RAC1: variants seen among roughly 807,000 people sequenced by gnomAD.
The protein encoded by RAC1 is ras-related C3 botulinum toxin substrate 1.
RAC1 carries 2 observed loss-of-function variants against 25.2 expected under a neutral mutation model. The ratio of observed to expected loss-of-function variants is 0.08; its 90% CI spans 0.03 to 0.25. RAC1 has a LOEUF of 0.25. Ranked by LOEUF, RAC1 falls within the 10% of genes least tolerant of loss-of-function variation. The probability of loss-of-function intolerance (pLI) is 1.00; values close to 1 mark genes in which losing one functional copy is unlikely to be tolerated. For missense variants in RAC1, 50 were observed against 235.7 expected (o/e 0.21, Z 5.16); for synonymous variants, 88 against 94.0 (o/e 0.94, Z 0.37).
At chr7:6,374,854 C>A (rs1423023591) in intron 1 of RAC1, 84 bp downstream of exon 1, 16 of 1,009,498 alleles carry the variant, frequency 1.6e-5, no homozygotes, top group Non-Finnish European at 1.8e-5. Flanking sequence ...CCAGGCAGGC[C>A]GGCGTCCGCC....
rs531109399 is a variant in RAC1 at position 6,382,982 on chromosome 7, A to C, written c.36-4230A>C. 3.9e-5 allele frequency among the ~76,000 whole-genome samples: 6 copies of C among 152,362 alleles called. No individual in the cohort carries two copies. In the East Asian group the frequency reaches 9.6e-4, roughly 24 times the overall value. On this transcript the variant is annotated intron_variant, in intron 1 of 5. Coordinates refer to ENST00000348035, the MANE Select transcript of RAC1 (RefSeq NM_006908.5). ...CAGGGGAAGCACAGATAGGTTAAAAAAAATTGTAGCATCATGAGCTAGGGG... is the reference window on the plus strand; with the variant it reads ...CAGGGGAAGCACAGATAGGTTAAAACAAATTGTAGCATCATGAGCTAGGGG...
At chr7:6,399,900 TC>T in intron 3 of RAC1, 1 of 563,290 alleles carries the variant, frequency 1.8e-6, no homozygotes, top group Non-Finnish European at 3.2e-6. Flanking sequence ...AGCATCATTC[TC>T]CCTTCATGCT....
At chr7:6,392,708 G>A (rs777227282) in intron 3 of RAC1, among the ~76,000 whole-genome samples, 3 of 152,074 alleles carry the variant, frequency 2.0e-5, no homozygotes, top group Non-Finnish European at 4.4e-5. Flanking sequence ...TTTAAGCAGC[G>A]GTTTTACTTG....
chr7:6,385,488 C>T (rs1295104170), intron 1 of RAC1, among the ~76,000 whole-genome samples: 2 of 152,178 alleles, frequency 1.3e-5, no homozygotes, highest in Non-Finnish European at 2.9e-5. Context: ...GACTCCAAAG[C>T]TTAGGCTCCT....
intron 1 of RAC1, among the ~76,000 whole-genome samples, chr7:6,376,175 G>A (rs1562459506): frequency 1.3e-5 from 1 of 74,794 alleles, no homozygotes; most frequent in Non-Finnish European, 2.5e-5. Flanking sequence ...GGCTATTCAG[G>A]CTTTTTTTTT....
chr7:6,398,050 G>T (rs960836931), intron 3 of RAC1, among the ~76,000 whole-genome samples: 2 of 152,176 alleles, frequency 1.3e-5, no homozygotes, highest in African/African-American at 4.8e-5. Context: ...AGAATTGGAG[G>T]TCTTAGTGTC....
intron 3 of RAC1, among the ~76,000 whole-genome samples, chr7:6,392,681 A>G (rs836476): frequency 1 from 152,304 of 152,360 alleles, 76,124 homozygotes; most frequent in Middle Eastern, 1. Flanking sequence ...CATTGTTGTC[A>G]TTAAAAGTTA....
rs922353721 is a variant in RAC1, at chr7:6,399,480, C to G, written c.226-646C>G. 4.6e-5 allele frequency among the ~76,000 whole-genome samples: 7 copies of G among 152,342 alleles called. No individual in the cohort carries two copies. In the South Asian group the frequency reaches 1.0e-3, roughly 23 times the overall value. On this transcript the variant is annotated intron_variant, in intron 3 of 5. Transcript: ENST00000348035. ...GATGTTTGGCGTGTGCCCCGAAGCA[C>G]CCTCTACTCTGTCCTCTGCACCCAC...
rs1296340679 is a variant in RAC1 at position 6,403,689 on chromosome 7, A to AC, written c.*1246dup. The AC allele has an allele frequency of 4.8e-6, 1 of 207,256 alleles. No homozygotes were observed. Among genetic ancestry groups the AC allele is most frequent in the African/African-American group, 2.3e-5 (1 of 43,858 alleles). 12.8% of individuals were successfully genotyped at this position (207,256 alleles called of 1,614,324 possible). On this transcript the variant is annotated 3_prime_UTR_variant, in exon 6 of 6. Transcript: ENST00000348035. Reference sequence around the variant, plus strand: ...CGACACTGTCACTTGACCAATACTGACCCTCTTTACCTCGCCCACGCGGAC... The same window carrying AC: ...CGACACTGTCACTTGACCAATACTGACCCCTCTTTACCTCGCCCACGCGGAC...
In RAC1 at chr7:6,403,108, T is replaced by G. The variant is rs1783466150; in HGVS notation, c.*662T>G. ...ACTGCTATTTCCTCTAATGAAGAATTCTGTTTAGCTGTGGGTGTGCCGGGT... is the reference window on the plus strand; with the variant it reads ...ACTGCTATTTCCTCTAATGAAGAATGCTGTTTAGCTGTGGGTGTGCCGGGT... On this transcript the variant is annotated 3_prime_UTR_variant, in exon 6 of 6. Coordinates refer to ENST00000348035, the MANE Select transcript of RAC1 (RefSeq NM_006908.5). 2 of 210,554 alleles carry G rather than the reference T, an allele frequency of 9.5e-6. No homozygotes were observed. Among genetic ancestry groups the G allele is most frequent in the African/African-American group, 2.3e-5 (1 of 43,986 alleles). 13.0% of individuals were successfully genotyped at this position (210,554 alleles called of 1,614,324 possible).
At chr7:6,401,104 C>T (rs969042262) in intron 4 of RAC1, among the ~76,000 whole-genome samples, 5 of 151,976 alleles carry the variant, frequency 3.3e-5, no homozygotes, top group East Asian at 1.9e-4. Flanking sequence ...TACAGGTGCC[C>T]GCCAACACAC....
intron 2 of RAC1, among the ~76,000 whole-genome samples, chr7:6,390,096 CTTTT>C (rs34547258): frequency 5.3e-5 from 4 of 74,924 alleles, no homozygotes; most frequent in East Asian, 1.5e-3. Flanking sequence ...CCCTCCCTCC[CTTTT>C]TTTTTTTTTT....
chr7:6,387,479 T>G (rs1032189876), intron 2 of RAC1, among the ~76,000 whole-genome samples, 196 bp downstream of exon 2: 6 of 152,088 alleles, frequency 3.9e-5, no homozygotes, highest in Non-Finnish European at 8.8e-5. Flanking sequence ...TCTCAGCACT[T>G]TGGGAGACTG....
chr7:6,384,965 C>T (rs2115190399), intron 1 of RAC1, among the ~76,000 whole-genome samples: 1 of 151,736 alleles, frequency 6.6e-6, no homozygotes, highest in South Asian at 2.1e-4. Flanking sequence ...ACCGCCACAC[C>T]CACCTAATTT....
chr7:6,386,637 A>T (rs866951599), intron 1 of RAC1, among the ~76,000 whole-genome samples: 1 of 151,814 alleles, frequency 6.6e-6, no homozygotes, highest in Non-Finnish European at 1.5e-5. Context: ...CAAAAAAATT[A>T]TCCAGGCGTG....
At chr7:6,395,297 C>T (rs1455445777) in intron 3 of RAC1, among the ~76,000 whole-genome samples, 1 of 151,858 alleles carries the variant, frequency 6.6e-6, no homozygotes, top group Non-Finnish European at 1.5e-5. Flanking sequence ...GTGGGCTAGA[C>T]TCCTGTGATG....
At chr7:6,389,525 C>G (rs111512217) in intron 2 of RAC1, among the ~76,000 whole-genome samples, 1 of 151,838 alleles carries the variant, frequency 6.6e-6, no homozygotes, top group African/African-American at 2.4e-5. Flanking sequence ...ACTAAAAATA[C>G]AAAAATTAGC....
At chr7:6,390,060 C>A (rs1472260232) in intron 2 of RAC1, among the ~76,000 whole-genome samples, 1 of 120,734 alleles carries the variant, frequency 8.3e-6, no homozygotes, top group East Asian at 2.6e-4. Context: ...CTTCTCCTTT[C>A]TTTTCCCCTC....
At chr7:6,379,255 C>T (rs569014622) in intron 1 of RAC1, among the ~76,000 whole-genome samples, 3 of 149,744 alleles carry the variant, frequency 2.0e-5, no homozygotes, top group Non-Finnish European at 4.4e-5. Context: ...GTGCCTGCTA[C>T]CATGCCGAGG....
Sources: allele counts gnomAD v4.1 joint callset (sites outside exome capture counted in the v4.1 genomes callset), GRCh38; gene constraint gnomAD v4.1.1; transcripts MANE v1.5; gene names NCBI Gene and HGNC (gene_info 2026-07-23, HGNC 2026-07-21).